IGF2BP2: variants seen among roughly 807,000 people sequenced by gnomAD.
IGF2BP2 encodes the protein insulin like growth factor 2 mRNA binding protein 2.
In IGF2BP2, 17 loss-of-function variants were observed where a neutral mutation model predicts 75.8. That is an observed-to-expected ratio of 0.22 (90% CI 0.15 to 0.34). The LOEUF (loss-of-function observed/expected upper bound fraction) is 0.34. Among genes scored for constraint, IGF2BP2 ranks in the 10% least tolerant of loss-of-function variants. IGF2BP2 has a pLI of 1.00. For missense variants in IGF2BP2, 516 were observed against 772.4 expected, an observed-to-expected ratio of 0.67 and a Z score of 3.93; for synonymous variants, 288 against 295.6, an observed-to-expected ratio of 0.97 and a Z score of 0.26.
chr3:185,677,044 G>GATAT (rs1164588813), intron 7 of IGF2BP2, among the ~76,000 whole-genome samples: 262 of 23,828 alleles, frequency 0.011, 10 homozygotes, highest in East Asian at 0.026. Context: ...TATATATGGA[G>GATAT]ATATATATAT....
chr3:185,733,288 A>C (rs1371119174), intron 2 of IGF2BP2, among the ~76,000 whole-genome samples: 2 of 152,144 alleles, frequency 1.3e-5, no homozygotes, highest in Non-Finnish European at 1.5e-5. Flanking sequence ...GCTTGATCCC[A>C]AGGAAAAGAG....
intron 7 of IGF2BP2, among the ~76,000 whole-genome samples, chr3:185,680,355 C>T (rs566102541): frequency 4.6e-5 from 7 of 152,182 alleles, no homozygotes; most frequent in South Asian, 4.2e-4. Context: ...ATGGCTTCAT[C>T]GGAGAATGCT....
intron 2 of IGF2BP2, among the ~76,000 whole-genome samples, chr3:185,803,683 T>G (rs1349325340): frequency 6.6e-6 from 1 of 152,172 alleles, no homozygotes; most frequent in East Asian, 1.9e-4. Context: ...TGAATCAAGA[T>G]TGTAGTTCAC....
At chr3:185,817,604 T>G (rs921861936) in intron 2 of IGF2BP2, among the ~76,000 whole-genome samples, 1 of 152,136 alleles carries the variant, frequency 6.6e-6, no homozygotes, top group Non-Finnish European at 1.5e-5. Flanking sequence ...ATAGAACCCA[T>G]AGAGTCCATG....
At chr3:185,704,071 G>C (rs1000623498) in intron 2 of IGF2BP2, among the ~76,000 whole-genome samples, 1 of 152,136 alleles carries the variant, frequency 6.6e-6, no homozygotes, top group Non-Finnish European at 1.5e-5. Flanking sequence ...TTGTGAGAGC[G>C]TCCTTTGGGG....
At chr3:185,656,438 A>G (rs948343841) in intron 12 of IGF2BP2, among the ~76,000 whole-genome samples, 4 of 152,230 alleles carry the variant, frequency 2.6e-5, no homozygotes, top group Admixed American at 2.6e-4. Flanking sequence ...CCTCTAGCAC[A>G]CTTGCTGTGG....
At chr3:185,823,084 G>T in intron 2 of IGF2BP2, 69 bp downstream of exon 2, 2 of 994,296 alleles carry the variant, frequency 2.0e-6, no homozygotes, top group Non-Finnish European at 3.0e-6. Context: ...GTTTTTTAAA[G>T]CTGTGTGTAC....
At chr3:185,697,245 A>G (rs1348712057) in intron 3 of IGF2BP2, among the ~76,000 whole-genome samples, 1 of 152,112 alleles carries the variant, frequency 6.6e-6, no homozygotes, top group Admixed American at 6.5e-5. Flanking sequence ...AGCTGGGACT[A>G]CAGATGCCTG....
intron 4 of IGF2BP2, 97 bp from the exon 5 acceptor site, chr3:185,692,859 C>A (rs777434087): frequency 7.0e-6 from 7 of 995,402 alleles, no homozygotes; most frequent in South Asian, 4.1e-5. Context: ...ATGCATAAAA[C>A]CCTCATCACA....
intron 2 of IGF2BP2, among the ~76,000 whole-genome samples, chr3:185,761,393 C>T (rs1299050923): frequency 6.6e-6 from 1 of 152,136 alleles, no homozygotes; most frequent in Non-Finnish European, 1.5e-5. Flanking sequence ...GGTATCACTC[C>T]GGGGCCCTGG....
At chr3:185,692,403 T>C (rs977016799) in intron 5 of IGF2BP2, among the ~76,000 whole-genome samples, 1 of 152,210 alleles carries the variant, frequency 6.6e-6, no homozygotes, top group Non-Finnish European at 1.5e-5. Context: ...AGCTCCCATC[T>C]TGGTTTTGAT....
intron 2 of IGF2BP2, among the ~76,000 whole-genome samples, chr3:185,752,918 A>T (rs975924309): frequency 1.3e-5 from 2 of 152,194 alleles, no homozygotes; most frequent in African/African-American, 4.8e-5. Context: ...TTTTAAAAAA[A>T]TAAGTAAGAG....
At chr3:185,682,096 G>A (rs1352534294) in intron 7 of IGF2BP2, among the ~76,000 whole-genome samples, 1 of 152,202 alleles carries the variant, frequency 6.6e-6, no homozygotes, top group Non-Finnish European at 1.5e-5. Context: ...GTGCATCAAA[G>A]GATATAATCA....
intron 2 of IGF2BP2, among the ~76,000 whole-genome samples, chr3:185,705,316 C>T (rs1222777883): frequency 2.0e-5 from 3 of 152,048 alleles, no homozygotes; most frequent in South Asian, 2.1e-4. Flanking sequence ...AGGGTGGTCT[C>T]GATCTCCTGA....
intron 2 of IGF2BP2, among the ~76,000 whole-genome samples, chr3:185,713,068 A>ATG (rs1553868086): frequency 6.7e-6 from 1 of 148,708 alleles, no homozygotes; most frequent in African/African-American, 2.6e-5. Context: ...TGCCCTACAG[A>ATG]TATGTATGTG....
chr3:185,705,173 T>C (rs998041885), intron 2 of IGF2BP2, among the ~76,000 whole-genome samples: 5 of 152,250 alleles, frequency 3.3e-5, no homozygotes, highest in African/African-American at 7.2e-5. Context: ...CTTGGCTCAC[T>C]GCAACCTCCG....
intron 2 of IGF2BP2, among the ~76,000 whole-genome samples, chr3:185,720,392 T>C (rs1726339234): frequency 6.6e-6 from 1 of 152,228 alleles, no homozygotes; most frequent in Admixed American, 6.5e-5. Context: ...CTGCCCAGGC[T>C]GGAGTGTAAT....
Position 185,645,706 on chromosome 3 carries a change from G to T in IGF2BP2, c.1708-83C>A. 1.0e-6 allele frequency: 1 copy of T among 977,770 alleles called. No homozygotes were observed. The highest frequency in any genetic ancestry group is 2.4e-5 in the East Asian group (1 of 41,598). The allele number at this position is 977,770 out of a possible 1,614,324, so 60.6% of individuals were successfully genotyped here. A position where few individuals can be genotyped will look rare whatever the true frequency, so the allele number is the denominator to read the frequency against. ...GAGGACAAACGGCAGGGGAGGCTCT[G>T]GGGCTTGGGGATGAAGGGTGGAATG... On this transcript the variant is annotated intron_variant, in intron 15 of 15. Coordinates refer to ENST00000382199, the MANE Select transcript of IGF2BP2 (RefSeq NM_006548.6). This position sits in a 1 kb window ranked among gnomAD's most constrained non-coding sequence, Gnocchi z 4.9.
intron 2 of IGF2BP2, among the ~76,000 whole-genome samples, chr3:185,800,742 G>GAAAGAAAGAAAGAAAGAA (rs1738130198): frequency 1.3e-5 from 2 of 151,670 alleles, no homozygotes; most frequent in African/African-American, 4.9e-5. Flanking sequence ...AAGAAAGAAA[G>GAAAGAAAGAAAGAAAGAA]TACTTGCTGA....
Sources: allele counts gnomAD v4.1 joint callset (sites outside exome capture counted in the v4.1 genomes callset), GRCh38; gene constraint gnomAD v4.1.1; non-coding constraint Gnocchi (gnomAD v3.1); transcripts MANE v1.5; gene names NCBI Gene and HGNC (gene_info 2026-07-23, HGNC 2026-07-21).